Variants in MCC observed in about 807,000 individuals in gnomAD.
MCC encodes the protein colorectal mutant cancer protein.
A neutral mutation model predicts 116.2 loss-of-function variants in MCC; 90 were observed. That is an observed-to-expected ratio of 0.77 (90% CI 0.65 to 0.92). MCC has a LOEUF of 0.92. Ranked by LOEUF, MCC falls within the 40% of genes least tolerant of loss-of-function variation. The probability of loss-of-function intolerance (pLI) is 0.00; values close to 1 mark genes in which losing one functional copy is unlikely to be tolerated. For synonymous variants in MCC, 578 were observed against 510.5 expected, an observed-to-expected ratio of 1.13 and a Z score of -1.78; for missense variants, 1,516 against 1,312.2, an observed-to-expected ratio of 1.16 and a Z score of -2.40.
chr5:113,293,677 G>C (rs912815445), intron 3 of MCC, among the ~76,000 whole-genome samples: 4 of 152,186 alleles, frequency 2.6e-5, no homozygotes, highest in African/African-American at 9.7e-5. Context: ...AAACACTCAA[G>C]TGGATAGGTT....
At chr5:113,341,912 ATT>A (rs1364702280) in intron 2 of MCC, among the ~76,000 whole-genome samples, 1 of 151,922 alleles carries the variant, frequency 6.6e-6, no homozygotes, top group African/African-American at 2.4e-5. Context: ...TTTAGTGGTG[ATT>A]TCTAAGACTT....
At chr5:113,187,258 G>A (rs1224305288) in intron 3 of MCC, among the ~76,000 whole-genome samples, 3 of 152,076 alleles carry the variant, frequency 2.0e-5, no homozygotes, top group South Asian at 2.1e-4. Flanking sequence ...ACAAGCATGC[G>A]CCACCATGCC....
intron 3 of MCC, among the ~76,000 whole-genome samples, chr5:113,193,973 TG>T (rs1158454408): frequency 6.6e-6 from 1 of 152,190 alleles, no homozygotes; most frequent in African/African-American, 2.4e-5. Flanking sequence ...GTACCACACC[TG>T]GGGATCATCT....
intron 3 of MCC, among the ~76,000 whole-genome samples, chr5:113,299,761 G>C (rs1163198237): frequency 6.6e-6 from 1 of 152,248 alleles, no homozygotes; most frequent in Non-Finnish European, 1.5e-5. Context: ...CAGGGATTAA[G>C]CTCCTATGGA....
In MCC at chr5:113,434,499, C is replaced by T. The variant is rs568715339; in HGVS notation, c.171-49287G>A. The stretch of plus-strand genomic sequence containing the variant: ...CAAGGAAAGCTGGTGGAACTTCTTG[C>T]GAGCTTCGTCCTCATGCAGGGCTCC... On this transcript the variant is annotated intron_variant, in intron 1 of 18. Transcript: ENST00000408903. The surrounding 1 kb of genome is among the most constrained non-coding windows in gnomAD (Gnocchi z 4.2). 31 of 1,612,792 alleles carry T rather than the reference C, an allele frequency of 1.9e-5. No homozygotes were observed. The highest frequency in any genetic ancestry group is 9.4e-5 in the African/African-American group (7 of 74,836).
Position 113,172,876 on chromosome 5 carries a change from A to AT in MCC, c.628-21455dup, listed in dbSNP as rs138398343. Reference sequence around the variant, plus strand: ...CCTAACATGTGTAGATATATCACATATTTTTTTTTTGCCAATTTGATTCCA... The same window carrying AT: ...CCTAACATGTGTAGATATATCACATATTTTTTTTTTTGCCAATTTGATTCCA... On this transcript the variant is annotated intron_variant, in intron 3 of 18. Transcript: ENST00000408903. 2.5e-3 allele frequency among the ~76,000 whole-genome samples: 380 copies of AT among 149,360 alleles called. 1 individual carries two copies. The highest frequency in any genetic ancestry group is 6.7e-3 in the African/African-American group (275 of 40,900).
intron 4 of MCC, among the ~76,000 whole-genome samples, chr5:113,149,870 A>G (rs1016035806): frequency 3.3e-5 from 5 of 152,204 alleles, no homozygotes; most frequent in African/African-American, 1.2e-4. Context: ...TCAGAGGAAA[A>G]CAAGGCTGAT....
At chr5:113,408,652 A>G (rs1052693225) in intron 1 of MCC, among the ~76,000 whole-genome samples, 1 of 152,194 alleles carries the variant, frequency 6.6e-6, no homozygotes, top group African/African-American at 2.4e-5. Flanking sequence ...GACCTACTGA[A>G]TGAGACTCCT....
chr5:113,244,722 T>C (rs76415393), intron 3 of MCC, among the ~76,000 whole-genome samples: 1 of 152,202 alleles, frequency 6.6e-6, no homozygotes, highest in East Asian at 1.9e-4. Context: ...TCTTGGAGGC[T>C]AGAAGTAAAG....
chr5:113,351,653 C>G (rs550364958), intron 2 of MCC, among the ~76,000 whole-genome samples: 1 of 152,022 alleles, frequency 6.6e-6, no homozygotes. Flanking sequence ...GGGGACTGTA[C>G]TCAATAATTT....
intron 6 of MCC, among the ~76,000 whole-genome samples, chr5:113,107,752 C>G (rs933888256): frequency 4.6e-5 from 7 of 152,146 alleles, no homozygotes; most frequent in African/African-American, 1.7e-4. Context: ...ACTTCCCTAG[C>G]GCAGGTCCAC....
At chr5:113,049,032 ACTGGGCAG>A (rs1752306389) in intron 16 of MCC, 53 bp downstream of exon 16, 2 of 872,722 alleles carry the variant, frequency 2.3e-6, no homozygotes, top group Non-Finnish European at 3.0e-6. Flanking sequence ...GCCAGTGGTC[ACTGGGCAG>A]TCACTGGGCA....
chr5:113,101,156 C>G (rs1756382518), intron 8 of MCC, among the ~76,000 whole-genome samples: 1 of 152,064 alleles, frequency 6.6e-6, no homozygotes, highest in Admixed American at 6.6e-5. Context: ...AGGAGTCACA[C>G]ATACACATCT....
At chr5:113,057,100 A>T (rs1462172293) in intron 14 of MCC, among the ~76,000 whole-genome samples, 3 of 152,186 alleles carry the variant, frequency 2.0e-5, no homozygotes, top group Non-Finnish European at 4.4e-5. Context: ...CTAGGCAGGG[A>T]GTGCGGCCAG....
At chr5:113,191,027 G>C (rs1044155336) in intron 3 of MCC, among the ~76,000 whole-genome samples, 2 of 152,190 alleles carry the variant, frequency 1.3e-5, no homozygotes, top group Non-Finnish European at 2.9e-5. Context: ...GGCTGGAAGG[G>C]CCCATCCTCT....
chr5:113,371,597 T>C (rs1768838073), intron 2 of MCC, among the ~76,000 whole-genome samples: 1 of 152,208 alleles, frequency 6.6e-6, no homozygotes, highest in African/African-American at 2.4e-5. Context: ...AAATTCTGCT[T>C]CAACTAGGAG....
At position 113,027,472 on chromosome 5, in the gene MCC, C is replaced by T. The variant is rs571033512; in HGVS notation, c.2890G>A (p.Ala964Thr). 6 of 1,614,054 alleles carry T rather than the reference C, an allele frequency of 3.7e-6. No individual in the cohort carries two copies. In the African/African-American group the frequency reaches 5.3e-5, roughly 14 times the overall value. Residue 964 changes from alanine (A) to threonine (T), a missense_variant, in exon 19 of 19, where the codon GCT (alanine) becomes ACT (threonine). Coordinates refer to ENST00000408903, the MANE Select transcript of MCC (RefSeq NM_001085377.2). ...DLKRANSNLV[A>T]AYEKAKKKHQ... The stretch of plus-strand genomic sequence containing the variant: ...TTTTTCTTTGCTTTCTCATAGGCAG[C>T]CACCAGGTTGCTAGGTGGGAATGAA...
chr5:113,222,113 G>A (rs1581271332), intron 3 of MCC, among the ~76,000 whole-genome samples: 3 of 151,828 alleles, frequency 2.0e-5, no homozygotes, highest in South Asian at 4.2e-4. Context: ...GAGTTTTGAG[G>A]GTTTTAATTT....
At chr5:113,207,407 A>C (rs1015742807) in intron 3 of MCC, among the ~76,000 whole-genome samples, 1 of 130,222 alleles carries the variant, frequency 7.7e-6, no homozygotes, top group Admixed American at 8.8e-5. Context: ...GAGACACATG[A>C]AGGCTATTAA....
Sources: gnomAD v4.1 joint callset for allele counts (sites outside exome capture counted in the v4.1 genomes callset) on GRCh38, gnomAD v4.1.1 for gene constraint, Gnocchi (gnomAD v3.1) non-coding constraint, MANE v1.5 for transcripts, NCBI Gene and HGNC (gene_info 2026-07-23, HGNC 2026-07-21) for gene names.